Variants in RERG observed in about 807,000 individuals in gnomAD.
RERG encodes the protein ras-related and estrogen-regulated growth inhibitor.
In RERG, 25 loss-of-function variants were observed where a neutral mutation model predicts 23.2. That is an observed-to-expected ratio of 1.08 (90% CI 0.79 to 1.50). RERG has a LOEUF of 1.50. RERG is among the 40% of genes most tolerant of loss of function. The probability of loss-of-function intolerance (pLI) is 0.00; values close to 1 mark genes in which losing one functional copy is unlikely to be tolerated. For synonymous variants in RERG, 81 were observed against 89.1 expected, an observed-to-expected ratio of 0.91 and a Z score of 0.51; for missense variants, 253 against 250.1, an observed-to-expected ratio of 1.01 and a Z score of -0.08.
chr12:15,178,868 T>C (rs1864887385), intron 2 of RERG, among the ~76,000 whole-genome samples: 2 of 152,234 alleles, frequency 1.3e-5, no homozygotes, highest in Non-Finnish European at 2.9e-5. Context: ...TTTCTGGAGT[T>C]ACAACTGTGT....
chr12:15,123,363 G>A (rs1863872138), intron 2 of RERG, among the ~76,000 whole-genome samples: 1 of 151,730 alleles, frequency 6.6e-6, no homozygotes, highest in Admixed American at 6.6e-5. Flanking sequence ...GTGCAGTTAT[G>A]CAGCAATACT....
intron 2 of RERG, among the ~76,000 whole-genome samples, chr12:15,175,342 T>C (rs922641268): frequency 7.7e-6 from 1 of 129,562 alleles, no homozygotes; most frequent in Admixed American, 7.6e-5. Flanking sequence ...TCTGTGTGTG[T>C]GTGTGTGTGT....
At chr12:15,177,097 G>A (rs1254839636) in intron 2 of RERG, among the ~76,000 whole-genome samples, 1 of 152,160 alleles carries the variant, frequency 6.6e-6, no homozygotes, top group Non-Finnish European at 1.5e-5. Context: ...ATAATCCTTT[G>A]TCAACATTCA....
intron 2 of RERG, among the ~76,000 whole-genome samples, chr12:15,145,295 AG>A (rs1864312749): frequency 6.6e-6 from 1 of 152,246 alleles, no homozygotes; most frequent in Non-Finnish European, 1.5e-5. Context: ...AGGCTGAGCC[AG>A]TGACCTGGAA....
At chr12:15,208,258 G>A (rs1865319940) in intron 2 of RERG, among the ~76,000 whole-genome samples, 1 of 152,170 alleles carries the variant, frequency 6.6e-6, no homozygotes, top group African/African-American at 2.4e-5. Flanking sequence ...GAATGTGTGT[G>A]TGTGTGTATT....
chr12:15,211,281 T>TTA (rs1865361774), intron 2 of RERG, among the ~76,000 whole-genome samples: 1 of 114,520 alleles, frequency 8.7e-6, no homozygotes, highest in South Asian at 3.3e-4. Flanking sequence ...GAATGTCATT[T>TTA]TATACACACA....
chr12:15,142,146 T>TAAA (rs1247988103), intron 2 of RERG, among the ~76,000 whole-genome samples: 1 of 152,236 alleles, frequency 6.6e-6, no homozygotes, highest in Admixed American at 6.5e-5. Context: ...TCTCCATTAA[T>TAAA]AAATGTGTTA....
At chr12:15,200,512 T>C (rs1248458932) in intron 2 of RERG, among the ~76,000 whole-genome samples, 1 of 152,060 alleles carries the variant, frequency 6.6e-6, no homozygotes, top group East Asian at 1.9e-4. Flanking sequence ...GAATTATTCA[T>C]GGCAGATAAA....
intron 2 of RERG, among the ~76,000 whole-genome samples, chr12:15,172,703 GT>G (rs1864793652): frequency 6.6e-6 from 1 of 152,026 alleles, no homozygotes; most frequent in South Asian, 2.1e-4. Flanking sequence ...TCACATTGTG[GT>G]TTTGATTTGC....
intron 2 of RERG, among the ~76,000 whole-genome samples, chr12:15,125,610 T>C (rs981077985): frequency 1.3e-5 from 2 of 152,094 alleles, no homozygotes; most frequent in African/African-American, 4.8e-5. Context: ...TCAGTTTGGT[T>C]TTTATGATCT....
intron 2 of RERG, among the ~76,000 whole-genome samples, chr12:15,125,031 G>A (rs536671256): frequency 6.6e-6 from 1 of 151,992 alleles, no homozygotes; most frequent in African/African-American, 2.4e-5. Flanking sequence ...TACTATGGAT[G>A]TATATTAAGT....
chr12:15,165,163 C>T (rs1864668898), intron 2 of RERG, among the ~76,000 whole-genome samples: 1 of 152,164 alleles, frequency 6.6e-6, no homozygotes, highest in South Asian at 2.1e-4. Context: ...AGGACTCCTG[C>T]TGAGCCCTGG....
At chr12:15,167,182 C>T (rs1864707385) in intron 2 of RERG, among the ~76,000 whole-genome samples, 1 of 152,156 alleles carries the variant, frequency 6.6e-6, no homozygotes, top group Admixed American at 6.5e-5. Flanking sequence ...GAGGCCTGAG[C>T]AAACCAGAAT....
At position 15,181,784 on chromosome 12, in the gene RERG, A is replaced by C. The variant is rs375045527; in HGVS notation, c.61+35645T>G. 5.9e-5 allele frequency among the ~76,000 whole-genome samples: 9 copies of C among 152,066 alleles called. No homozygotes were observed. In the East Asian group the frequency reaches 1.4e-3, roughly 23 times the overall value. ...TGGTTACGTTTATATTGATGAGGAGAGAGTAAAGAATGGAGAAAAGAAAGT... is the reference window on the plus strand; with the variant it reads ...TGGTTACGTTTATATTGATGAGGAGCGAGTAAAGAATGGAGAAAAGAAAGT... On this transcript the variant is annotated intron_variant, in intron 2 of 4. Transcript: ENST00000256953.
intron 3 of RERG, among the ~76,000 whole-genome samples, chr12:15,120,288 TTC>T (rs1863807222): frequency 6.6e-6 from 1 of 152,320 alleles, no homozygotes; most frequent in South Asian, 2.1e-4. Flanking sequence ...TTATTGACTC[TTC>T]TCTCTTTCCT....
At chr12:15,181,783 G>A (rs887871283) in intron 2 of RERG, among the ~76,000 whole-genome samples, 3 of 151,992 alleles carry the variant, frequency 2.0e-5, no homozygotes, top group African/African-American at 7.3e-5. Context: ...TTGATGAGGA[G>A]AGAGTAAAGA....
rs1234137983 is a variant in RERG, at chr12:15,111,492, A to G, written c.119-75T>C. 2.6e-6 allele frequency: 3 copies of G among 1,157,944 alleles called. No individual in the cohort carries two copies. The Admixed American group carries it at 5.4e-5, about 21-fold the overall frequency. 71.7% of individuals were successfully genotyped at this position (1,157,944 alleles called of 1,614,324 possible). A position where few individuals can be genotyped will look rare whatever the true frequency, so the allele number is the denominator to read the frequency against. On this transcript the variant is annotated intron_variant, in intron 3 of 4. Coordinates refer to ENST00000256953, the MANE Select transcript of RERG (RefSeq NM_032918.3). ...TTTAATTTGATCCTTAAAACTGAAA[A>G]TGGGCATGGGAGAAGTATTCCTGAT... is the stretch of plus-strand genomic sequence containing the variant.
intron 1 of RERG, among the ~76,000 whole-genome samples, chr12:15,220,404 T>A (rs1173128833): frequency 6.6e-6 from 1 of 152,202 alleles, no homozygotes; most frequent in Non-Finnish European, 1.5e-5. Context: ...AAATCCTGTA[T>A]TATTAGTGAT....
At chr12:15,164,930 C>T (rs1004757227) in intron 2 of RERG, among the ~76,000 whole-genome samples, 1 of 152,102 alleles carries the variant, frequency 6.6e-6, no homozygotes, top group Non-Finnish European at 1.5e-5. Flanking sequence ...GCCAGGGTGC[C>T]GCTCTGGAAA....
Sources: allele counts gnomAD v4.1 joint callset (sites outside exome capture counted in the v4.1 genomes callset), GRCh38; gene constraint gnomAD v4.1.1; transcripts MANE v1.5; gene names NCBI Gene and HGNC (gene_info 2026-07-23, HGNC 2026-07-21).